BMPR1B: variants seen among roughly 807,000 people sequenced by gnomAD.
BMPR1B encodes bone morphogenetic protein receptor type-1B.
Under a neutral mutation model 59.1 loss-of-function variants are expected in BMPR1B, and 12 were observed. The ratio of observed to expected loss-of-function variants is 0.20; its 90% confidence interval spans 0.13 to 0.33. BMPR1B has a LOEUF of 0.33. Among genes scored for constraint, BMPR1B ranks in the 10% least tolerant of loss-of-function variants. BMPR1B has a pLI of 1.00. For synonymous variants in BMPR1B, 237 were observed against 207.3 expected, an observed-to-expected ratio of 1.14 and a Z score of -1.23; for missense variants, 550 against 610.9, an observed-to-expected ratio of 0.90 and a Z score of 1.05.
intron 3 of BMPR1B, among the ~76,000 whole-genome samples, chr4:95,036,623 A>T (rs1261052121): frequency 6.6e-6 from 1 of 151,494 alleles, no homozygotes; most frequent in Non-Finnish European, 1.5e-5. Flanking sequence ...TTGTTGATGG[A>T]CAATTAGGTT....
intron 3 of BMPR1B, among the ~76,000 whole-genome samples, chr4:95,083,218 A>G (rs1039817518): frequency 2.0e-5 from 3 of 152,140 alleles, no homozygotes; most frequent in East Asian, 1.9e-4. Context: ...TCTCATTCCT[A>G]TTAAGCATTC....
intron 2 of BMPR1B, among the ~76,000 whole-genome samples, chr4:94,886,640 A>G (rs1271189967): frequency 1.3e-5 from 2 of 152,234 alleles, no homozygotes; most frequent in Non-Finnish European, 2.9e-5. Flanking sequence ...CCCAATGGAT[A>G]TGAAATTAAT....
chr4:95,000,583 A>C (rs2081598520), intron 3 of BMPR1B, among the ~76,000 whole-genome samples: 1 of 152,144 alleles, frequency 6.6e-6, no homozygotes, highest in African/African-American at 2.4e-5. Context: ...AGTTTTAGGT[A>C]TGGATTTTAT....
intron 1 of BMPR1B, among the ~76,000 whole-genome samples, chr4:94,841,629 G>T (rs928527248): frequency 6.6e-6 from 1 of 152,054 alleles, no homozygotes; most frequent in Non-Finnish European, 1.5e-5. Flanking sequence ...GCTCGCACAC[G>T]GTGCGCGCAC....
At chr4:95,024,961 C>T (rs1724251344) in intron 3 of BMPR1B, among the ~76,000 whole-genome samples, 1 of 151,958 alleles carries the variant, frequency 6.6e-6, no homozygotes, top group African/African-American at 2.4e-5. Flanking sequence ...GCTAGCTGGG[C>T]GTGGTGGTGC....
intron 3 of BMPR1B, among the ~76,000 whole-genome samples, chr4:95,087,829 C>G (rs1208753251): frequency 6.6e-6 from 1 of 152,116 alleles, no homozygotes; most frequent in Non-Finnish European, 1.5e-5. Flanking sequence ...TTGAACTTCA[C>G]CTTTTGCTCA....
chr4:94,881,745 A>G (rs1364863931), intron 2 of BMPR1B, among the ~76,000 whole-genome samples: 1 of 152,118 alleles, frequency 6.6e-6, no homozygotes, highest in African/African-American at 2.4e-5. Flanking sequence ...GATTACAGGC[A>G]TGAGCCACTG....
chr4:94,869,691 C>G (rs1299281457), intron 1 of BMPR1B, among the ~76,000 whole-genome samples: 2 of 152,118 alleles, frequency 1.3e-5, no homozygotes, highest in Non-Finnish European at 1.5e-5. Flanking sequence ...GACTGTGTTT[C>G]TAAGTATGCA....
chr4:94,945,742 A>G (rs1312074753), intron 2 of BMPR1B, among the ~76,000 whole-genome samples: 1 of 152,194 alleles, frequency 6.6e-6, no homozygotes, highest in Admixed American at 6.5e-5. Context: ...ACTGAGTTAT[A>G]TTTATGACAT....
At chr4:95,120,629 C>CCTTCCTTCCTTCCTTG (rs1732418055) in intron 6 of BMPR1B, among the ~76,000 whole-genome samples, 1 of 143,322 alleles carries the variant, frequency 7.0e-6, no homozygotes, top group Non-Finnish European at 1.5e-5. Flanking sequence ...TTCCTTCCTT[C>CCTTCCTTCCTTCCTTG]CTTCCTTCCT....
intron 4 of BMPR1B, among the ~76,000 whole-genome samples, chr4:95,105,512 G>A (rs1486773756): frequency 1.3e-5 from 2 of 152,026 alleles, no homozygotes; most frequent in South Asian, 2.1e-4. Context: ...TTTAAAAAAG[G>A]TTTTTAAGTT....
rs192159842 is a variant in BMPR1B, at chr4:94,787,931, G to A, written c.-183+29863G>A. On this transcript the variant is annotated intron_variant, in intron 1 of 12. Transcript: ENST00000515059. ...AAGCATTTGGATAGGAGGTTTGAGT[G>A]GCCTGTGGAATGGAATAAATATTCA... Among the ~76,000 whole-genome samples, 36 of 152,236 alleles carry A rather than the reference G, an allele frequency of 2.4e-4. 1 individual carries two copies. The South Asian group carries it at 3.5e-3, about 15-fold the overall frequency.
intron 2 of BMPR1B, among the ~76,000 whole-genome samples, chr4:94,952,753 A>C (rs1049052631): frequency 6.6e-6 from 1 of 151,898 alleles, no homozygotes; most frequent in Non-Finnish European, 1.5e-5. Context: ...TGGGGTGGAG[A>C]GTCTGTAGAT....
chr4:95,125,646 T>C (rs1318367593), intron 8 of BMPR1B, among the ~76,000 whole-genome samples: 1 of 152,088 alleles, frequency 6.6e-6, no homozygotes, highest in African/African-American at 2.4e-5. Flanking sequence ...AGTATTACAC[T>C]TATTTTTTTC....
chr4:95,098,235 C>G (rs1730570992), intron 3 of BMPR1B, among the ~76,000 whole-genome samples: 1 of 152,154 alleles, frequency 6.6e-6, no homozygotes, highest in South Asian at 2.1e-4. Context: ...GTCTTTTCTT[C>G]TATTTATTAT....
chr4:94,882,974 G>A (rs60159346), intron 2 of BMPR1B, among the ~76,000 whole-genome samples: 3,657 of 131,142 alleles, frequency 0.028, 137 homozygotes, highest in African/African-American at 0.09. Context: ...GTGCGTGTGT[G>A]TGTATGTGTG....
intron 2 of BMPR1B, among the ~76,000 whole-genome samples, chr4:94,912,487 A>G (rs935800118): frequency 1.3e-5 from 2 of 152,138 alleles, no homozygotes; most frequent in African/African-American, 2.4e-5. Flanking sequence ...ATATGGGGAA[A>G]GAGAGAATGG....
intron 3 of BMPR1B, among the ~76,000 whole-genome samples, chr4:95,095,788 TTC>T (rs1223791951): frequency 6.6e-6 from 1 of 152,044 alleles, no homozygotes; most frequent in Non-Finnish European, 1.5e-5. Flanking sequence ...ATACAGATTT[TTC>T]TCTCTGCATT....
chr4:95,087,674 G>C (rs1339622984), intron 3 of BMPR1B, among the ~76,000 whole-genome samples: 1 of 152,160 alleles, frequency 6.6e-6, no homozygotes, highest in Non-Finnish European at 1.5e-5. Flanking sequence ...TGAGGCTGCA[G>C]TTAGCTGTGA....
Sources: gnomAD v4.1 joint callset for allele counts (sites outside exome capture counted in the v4.1 genomes callset) on GRCh38, gnomAD v4.1.1 for gene constraint, MANE v1.5 for transcripts, NCBI Gene and HGNC (gene_info 2026-07-23, HGNC 2026-07-21) for gene names.